Variants in ENPP6 observed in about 807,000 individuals in gnomAD.
ENPP6 encodes the protein ectonucleotide pyrophosphatase/phosphodiesterase 6, also known as glycerophosphocholine cholinephosphodiesterase ENPP6.
ENPP6 carries 32 observed loss-of-function variants against 42.0 expected under a neutral mutation model. The ratio of observed to expected loss-of-function variants is 0.76; its 90% CI spans 0.58 to 1.02. The LOEUF is 1.02. Ranked by LOEUF, ENPP6 falls within the 50% of genes least tolerant of loss-of-function variation. The pLI, the probability that ENPP6 is intolerant of heterozygous loss-of-function variation, is 0.00. For synonymous variants in ENPP6, 213 were observed against 216.0 expected, an observed-to-expected ratio of 0.99 and a Z score of 0.12; for missense variants, 552 against 566.8, an observed-to-expected ratio of 0.97 and a Z score of 0.27.
At chr4:184,123,233 A>C (rs1368844506) in intron 3 of ENPP6, among the ~76,000 whole-genome samples, 2 of 152,108 alleles carry the variant, frequency 1.3e-5, no homozygotes, top group Non-Finnish European at 2.9e-5. Flanking sequence ...ATGATTGGTC[A>C]GCTCTGTATC....
intron 3 of ENPP6, 98 bp from the exon 4 acceptor site, chr4:184,117,998 C>T (rs1035941780): frequency 3.6e-5 from 52 of 1,441,676 alleles, no homozygotes; most frequent in Admixed American, 9.3e-5. Context: ...TCACGCCCCC[C>T]GAAACCTTGT....
rs1732599218 is a variant in ENPP6, at chr4:184,184,395, T to C, written c.242-30662A>G. Among the ~76,000 whole-genome samples the C allele has an allele frequency of 6.6e-6, 1 of 152,204 alleles. No homozygotes were observed. Among genetic ancestry groups the C allele is most frequent in the Non-Finnish European group, 1.5e-5 (1 of 68,032 alleles). ...TTTGGATATTAAGAATATAATAATG[T>C]TAAAACTTGGTAGTAAGCTAAATAG... On this transcript the variant is annotated intron_variant, in intron 1 of 7. Coordinates refer to ENST00000296741, the MANE Select transcript of ENPP6 (RefSeq NM_153343.4). This position sits in a 1 kb window ranked among gnomAD's most constrained non-coding sequence, Gnocchi z 4.7.
chr4:184,128,208 TCTCA>T (rs1352069671), intron 2 of ENPP6, among the ~76,000 whole-genome samples: 1 of 152,146 alleles, frequency 6.6e-6, no homozygotes, highest in Non-Finnish European at 1.5e-5. Context: ...TGAGGCAGAG[TCTCA>T]CTCTGTCACC....
intron 1 of ENPP6, among the ~76,000 whole-genome samples, chr4:184,193,240 TTCA>T (rs1249459064): frequency 3.3e-5 from 5 of 152,352 alleles, no homozygotes; most frequent in South Asian, 2.1e-4. Flanking sequence ...AACCCAAATG[TTCA>T]TCGATTGGTG....
rs761646937 is a variant in ENPP6, at chr4:184,124,182, C to T, written c.512G>A (p.Ser171Asn). 2 of 1,613,854 alleles carry T rather than the reference C, an allele frequency of 1.2e-6. No individual in the cohort carries two copies. Among genetic ancestry groups the T allele is most frequent in the East Asian group, 4.5e-5 (2 of 44,884 alleles). Residue 171 changes from serine to asparagine, a missense_variant, in exon 3 of 8, where the codon AGC (serine) becomes AAC (asparagine). Transcript: ENST00000296741. ...PTDINFANAV[S>N]DALDSFKSGR... ...TTACTTGAAGGAGTCAAGAGCATCG[C>T]TGACTGCATTGGCAAAATTGATATC... is the stretch of plus-strand genomic sequence containing the variant.
At chr4:184,146,441 AGAAAG>A (rs1448555203) in intron 2 of ENPP6, among the ~76,000 whole-genome samples, 14 of 144,584 alleles carry the variant, frequency 9.7e-5, no homozygotes, top group South Asian at 2.2e-4. Context: ...AAAAAAAAAA[AGAAAG>A]AAAGAAAGAA....
chr4:184,160,539 C>T (rs893655452), intron 1 of ENPP6, among the ~76,000 whole-genome samples: 11 of 151,968 alleles, frequency 7.2e-5, no homozygotes, highest in African/African-American at 1.5e-4. Flanking sequence ...TTCAGTTTTG[C>T]GCATATCTGA....
chr4:184,132,451 GTTTGT>G (rs1736653649), intron 2 of ENPP6, among the ~76,000 whole-genome samples: 1 of 152,006 alleles, frequency 6.6e-6, no homozygotes, highest in African/African-American at 2.4e-5. Context: ...TCAACTCGTT[GTTTGT>G]TTTATTTCCT....
chr4:184,207,142 T>A (rs1025595682), intron 1 of ENPP6, among the ~76,000 whole-genome samples: 6 of 152,246 alleles, frequency 3.9e-5, no homozygotes, highest in Non-Finnish European at 7.3e-5. Context: ...TGTCTAAATG[T>A]TGAAATAATA....
At chr4:184,132,591 ATT>A (rs1736655929) in intron 2 of ENPP6, among the ~76,000 whole-genome samples, 1 of 151,392 alleles carries the variant, frequency 6.6e-6, no homozygotes, top group Non-Finnish European at 1.5e-5. Flanking sequence ...CTTAAGAAAT[ATT>A]CTTCTTATCT....
intron 6 of ENPP6, among the ~76,000 whole-genome samples, chr4:184,099,746 G>A (rs188287987): frequency 6.6e-6 from 1 of 152,166 alleles, no homozygotes; most frequent in Non-Finnish European, 1.5e-5. Context: ...CCATGGGAAG[G>A]TTTCTTTCAC....
intron 1 of ENPP6, among the ~76,000 whole-genome samples, chr4:184,181,410 A>G (rs973860534): frequency 8.5e-5 from 13 of 152,266 alleles, no homozygotes; most frequent in African/African-American, 3.1e-4. Context: ...AGGAAGAACC[A>G]ATATTGTGAA....
At chr4:184,205,615 C>T (rs1328106772) in intron 1 of ENPP6, among the ~76,000 whole-genome samples, 1 of 152,206 alleles carries the variant, frequency 6.6e-6, no homozygotes, top group Non-Finnish European at 1.5e-5. Flanking sequence ...GTGGTGTCAT[C>T]AGGACTGCTT....
intron 6 of ENPP6, among the ~76,000 whole-genome samples, chr4:184,097,998 C>T (rs920855768): frequency 1.3e-5 from 2 of 152,234 alleles, no homozygotes; most frequent in African/African-American, 4.8e-5. Context: ...ACGGGGCGTG[C>T]GGTTCCGGAG....
intron 2 of ENPP6, among the ~76,000 whole-genome samples, chr4:184,146,023 CTTTTTT>C (rs70959175): frequency 7.7e-5 from 11 of 141,992 alleles, no homozygotes; most frequent in Admixed American, 2.8e-4. Context: ...TTTTCTTTTT[CTTTTTT>C]TTTTTTTTGG....
intron 1 of ENPP6, among the ~76,000 whole-genome samples, chr4:184,197,931 G>A (rs1732829548): frequency 6.6e-6 from 1 of 152,154 alleles, no homozygotes; most frequent in Admixed American, 6.5e-5. Flanking sequence ...ACCAGGGATA[G>A]CTCTGGGTGC....
intron 1 of ENPP6, among the ~76,000 whole-genome samples, chr4:184,164,441 C>T (rs1011480350): frequency 3.3e-4 from 50 of 152,220 alleles, no homozygotes; most frequent in African/African-American, 1.2e-3. Flanking sequence ...AGGGTGGGCC[C>T]TAATCCCACA....
chr4:184,158,029 T>C (rs1737203913), intron 1 of ENPP6, among the ~76,000 whole-genome samples: 1 of 152,194 alleles, frequency 6.6e-6, no homozygotes, highest in South Asian at 2.1e-4. Flanking sequence ...CCTTTTATAG[T>C]TCCTTACCTC....
intron 2 of ENPP6, among the ~76,000 whole-genome samples, chr4:184,141,501 AT>A (rs1280134753): frequency 6.6e-6 from 1 of 152,210 alleles, no homozygotes; most frequent in Non-Finnish European, 1.5e-5. Flanking sequence ...TTGGGGCAAG[AT>A]TTTGGTTTCA....
Sources: gnomAD v4.1 joint callset for allele counts (sites outside exome capture counted in the v4.1 genomes callset) on GRCh38, gnomAD v4.1.1 for gene constraint, Gnocchi (gnomAD v3.1) non-coding constraint, MANE v1.5 for transcripts, NCBI Gene and HGNC (gene_info 2026-07-23, HGNC 2026-07-21) for gene names.